The following GBF1 variants were observed in gnomAD, a reference collection of about 807,000 sequenced individuals.
GBF1 encodes the protein Golgi-specific brefeldin A-resistance guanine nucleotide exchange factor 1.
A neutral mutation model predicts 210.5 loss-of-function variants in GBF1; 114 were observed. The ratio of observed to expected loss-of-function variants is 0.54; its 90% CI spans 0.47 to 0.63. The LOEUF (loss-of-function observed/expected upper bound fraction) is 0.63, where lower values mean the gene tolerates loss of function less well. Ranked by LOEUF, GBF1 falls within the 30% of genes least tolerant of loss-of-function variation. The probability of loss-of-function intolerance (pLI) is 0.00; values close to 1 mark genes in which losing one functional copy is unlikely to be tolerated. For synonymous variants in GBF1, 850 were observed against 889.2 expected (o/e 0.96, Z 0.78); for missense variants, 1,851 against 2,357.7 (o/e 0.79, Z 4.45).
At chr10:102,375,804 A>C (rs1395427073) in intron 30 of GBF1, among the ~76,000 whole-genome samples, 1 of 151,866 alleles carries the variant, frequency 6.6e-6, no homozygotes, top group Non-Finnish European at 1.5e-5. Context: ...CAGGCTTCCT[A>C]CTGTCCTGAG....
chr10:102,349,785 T>C (rs2058817082), intron 4 of GBF1, among the ~76,000 whole-genome samples: 1 of 152,178 alleles, frequency 6.6e-6, no homozygotes, highest in Non-Finnish European at 1.5e-5. Flanking sequence ...GACAACTTAT[T>C]TGGCTATTTC....
At chr10:102,369,635 G>C in intron 24 of GBF1, 76 bp from the exon 25 acceptor site, 3 of 1,368,434 alleles carry the variant, frequency 2.2e-6, no homozygotes, top group Non-Finnish European at 3.1e-6. Flanking sequence ...AGGAAATCCA[G>C]AGAACTTTGG....
At chr10:102,283,353 C>A (rs2075672218) in intron 3 of GBF1, among the ~76,000 whole-genome samples, 1 of 152,092 alleles carries the variant, frequency 6.6e-6, no homozygotes, top group Admixed American at 6.5e-5. Context: ...ATTCTTGAGG[C>A]CAGGAAGGGC....
rs772312884 is a variant in GBF1, at chr10:102,379,426, T to C, written c.4637T>C (p.Leu1546Ser). 6.2e-7 allele frequency: 1 copy of C among 1,614,138 alleles called. No homozygotes were observed. Among genetic ancestry groups the C allele is most frequent in the East Asian group, 2.2e-5 (1 of 44,880 alleles). The change falls in exon 34 of 40, where the codon TTA becomes TCA. Residue 1546 changes from leucine to serine, a missense_variant. Around this residue, in one of 3 missense-constraint regions of GBF1, gnomAD observed 967 missense variants for 1,247.7 expected, o/e 0.78. Coordinates refer to ENST00000369983, the MANE Select transcript of GBF1 (RefSeq NM_001377137.1). ...RTLWAHCWCP[L>S]LQGIACLCCD... ...CTCTGGGCCCACTGCTGGTGCCCTT[T>C]ACTGCAGGGTAAACCAGGAGGGGCA... is the stretch of plus-strand genomic sequence containing the variant.
At chr10:102,289,244 G>A (rs559106161) in intron 3 of GBF1, among the ~76,000 whole-genome samples, 1 of 152,314 alleles carries the variant, frequency 6.6e-6, no homozygotes, top group South Asian at 2.1e-4. Context: ...TCTGTGTTTG[G>A]TAATCATTCC....
At chr10:102,361,505 G>C (rs558608120) in intron 13 of GBF1, among the ~76,000 whole-genome samples, 1 of 152,208 alleles carries the variant, frequency 6.6e-6, no homozygotes, top group African/African-American at 2.4e-5. Flanking sequence ...ACTTGTCTGG[G>C]ACCAGGTATG....
At chr10:102,289,971 C>T (rs115517124) in intron 3 of GBF1, among the ~76,000 whole-genome samples, 1,861 of 151,898 alleles carry the variant, frequency 0.012, 33 homozygotes, top group African/African-American at 0.043. Context: ...ATTAGCTGGG[C>T]GTGGTGGCAA....
intron 3 of GBF1, among the ~76,000 whole-genome samples, chr10:102,297,348 C>T (rs1228365068): frequency 1.3e-5 from 2 of 152,208 alleles, no homozygotes; most frequent in Non-Finnish European, 2.9e-5. Context: ...ACAGTTATCA[C>T]TAGACTTTGC....
At chr10:102,252,389 T>C (rs2071667988) in intron 1 of GBF1, among the ~76,000 whole-genome samples, 1 of 151,828 alleles carries the variant, frequency 6.6e-6, no homozygotes, top group South Asian at 2.1e-4. Flanking sequence ...TAAGTGGTTT[T>C]AAGATTGTTC....
Position 102,379,888 on chromosome 10 carries a change from C to T in GBF1, c.4812C>T (p.Asn1604=), listed in dbSNP as rs544487826. 36 of 1,613,784 alleles carry T rather than the reference C, an allele frequency of 2.2e-5. No homozygotes were observed. In the South Asian group the frequency reaches 2.6e-4, roughly 12 times the overall value. ...LFPLLTKLLE[N]ISPADVGGME... is the part of the protein sequence containing the mutation. ...CTCTACTTACCAAGCTCTTGGAGAACATCAGCCCTGCAGATGTGGGTGGGA... is the reference window on the plus strand; with the variant it reads ...CTCTACTTACCAAGCTCTTGGAGAATATCAGCCCTGCAGATGTGGGTGGGA... Residue 1604 remains asparagine, a synonymous_variant, in exon 36 of 40, where the codon AAC becomes AAT. Transcript: ENST00000369983.
Position 102,361,699 on chromosome 10 carries a change from A to G in GBF1, c.1492-19A>G. 1.3e-6 allele frequency: 2 copies of G among 1,526,712 alleles called. No individual in the cohort carries two copies. The highest frequency in any genetic ancestry group is 1.8e-6 in the Non-Finnish European group (2 of 1,132,014). 94.6% of individuals were successfully genotyped at this position (1,526,712 alleles called of 1,614,324 possible). On this transcript the variant is annotated intron_variant, in intron 13 of 39. Transcript: ENST00000369983. ...GAATCCTTTCCCCACCCAAATGGCA[A>G]TTACTGGGTTATTGCCAGATGTACA...
chr10:102,285,183 G>T (rs1187686910), intron 3 of GBF1, among the ~76,000 whole-genome samples: 1 of 152,176 alleles, frequency 6.6e-6, no homozygotes, highest in African/African-American at 2.4e-5. Flanking sequence ...GTCGAATTCT[G>T]ACTTGCCAAA....
At chr10:102,293,199 T>C (rs952281624) in intron 3 of GBF1, among the ~76,000 whole-genome samples, 1 of 152,132 alleles carries the variant, frequency 6.6e-6, no homozygotes, top group African/African-American at 2.4e-5. Flanking sequence ...TACATGATAG[T>C]GGGCCCATAA....
chr10:102,361,295 A>T (rs2059588666), intron 13 of GBF1, 175 bp downstream of exon 13: 4 of 586,228 alleles, frequency 6.8e-6, no homozygotes, highest in Non-Finnish European at 9.2e-6. Flanking sequence ...TGGAAAAGTT[A>T]AAAGGAGACC....
chr10:102,248,569 G>A (rs2071118903), intron 1 of GBF1, among the ~76,000 whole-genome samples: 1 of 152,044 alleles, frequency 6.6e-6, no homozygotes, highest in Admixed American at 6.5e-5. Context: ...CCATGGGAAT[G>A]TATTAGGATT....
chr10:102,231,790 T>C, the GBF1 span: 1 of 1,599,482 alleles, frequency 6.3e-7, no homozygotes, highest in Admixed American at 1.7e-5. Context: ...CTTTTCTGAG[T>C]CTGGGGGCCA....
At chr10:102,302,931 A>G (rs772013) in intron 3 of GBF1, among the ~76,000 whole-genome samples, 150,478 of 151,862 alleles carry the variant, frequency 0.99, 74,569 homozygotes, top group East Asian at 1. Context: ...ATGTACATCT[A>G]TGTTTTCTTT....
chr10:102,370,990 A>T, intron 29 of GBF1, 130 bp downstream of exon 29: 2 of 873,234 alleles, frequency 2.3e-6, no homozygotes, highest in Non-Finnish European at 3.6e-6. Context: ...GACCAACCAC[A>T]GGGCTGGTGC....
Position 102,298,926 on chromosome 10 carries a change from C to G in GBF1, c.163+38810C>G, listed in dbSNP as rs546884727. Among the ~76,000 whole-genome samples, 13 of 152,252 alleles carry G rather than the reference C, an allele frequency of 8.5e-5. No homozygotes were observed. In the South Asian group the frequency reaches 2.7e-3, roughly 32 times the overall value. ...TATGAAACTCATTTGTTCTGTTGTT[C>G]TAGAAAAGCTCTTAATGTTTAAATC... On this transcript the variant is annotated intron_variant, in intron 3 of 39. Transcript: ENST00000369983.
Sources: allele counts gnomAD v4.1 joint callset (sites outside exome capture counted in the v4.1 genomes callset), GRCh38; gene constraint gnomAD v4.1.1; regional missense constraint gnomAD v4.1.1; transcripts MANE v1.5; gene names NCBI Gene and HGNC (gene_info 2026-07-23, HGNC 2026-07-21).